Variants in CHRM3 observed in about 807,000 individuals in gnomAD.
CHRM3 encodes muscarinic acetylcholine receptor M3.
Under a neutral mutation model 41.8 loss-of-function variants are expected in CHRM3, and 11 were observed. The ratio of observed to expected loss-of-function variants is 0.26; its 90% CI spans 0.17 to 0.44. The LOEUF (loss-of-function observed/expected upper bound fraction) is 0.44. Ranked by LOEUF, CHRM3 falls within the 20% of genes least tolerant of loss-of-function variation. The pLI is 1.00. For synonymous variants in CHRM3, 297 were observed against 301.4 expected (o/e 0.99, Z 0.15); for missense variants, 571 against 745.4 (o/e 0.77, Z 2.72).
chr1:239,794,387 GTTTT>G (rs10925977), intron 5 of CHRM3, among the ~76,000 whole-genome samples: 2 of 115,290 alleles, frequency 1.7e-5, no homozygotes, highest in East Asian at 2.3e-4. Context: ...TTCGTTTGTT[GTTTT>G]TTTTTTTTTT....
intron 5 of CHRM3, among the ~76,000 whole-genome samples, chr1:239,709,797 G>C (rs952804631): frequency 6.6e-6 from 1 of 152,142 alleles, no homozygotes; most frequent in African/African-American, 2.4e-5. Flanking sequence ...AGATTAACCA[G>C]TGAAGATCTA....
chr1:239,683,214 T>A (rs1658739108), intron 5 of CHRM3, among the ~76,000 whole-genome samples: 1 of 152,174 alleles, frequency 6.6e-6, no homozygotes, highest in East Asian at 1.9e-4. Context: ...GGTAAATATT[T>A]GTGGAATGAG....
chr1:239,394,348 G>A (rs551294674), intron 1 of CHRM3, among the ~76,000 whole-genome samples: 1 of 152,232 alleles, frequency 6.6e-6, no homozygotes, highest in South Asian at 2.1e-4. Context: ...TGCTTCTGTG[G>A]TCACGTTGCC....
At chr1:239,697,657 G>A (rs1009904075) in intron 5 of CHRM3, among the ~76,000 whole-genome samples, 14 of 152,102 alleles carry the variant, frequency 9.2e-5, no homozygotes, top group Non-Finnish European at 1.5e-4. Flanking sequence ...AGAGAGGGAG[G>A]CAACAGACAT....
chr1:239,725,121 TAGACTTAGAA>T (rs1319594455), intron 5 of CHRM3, among the ~76,000 whole-genome samples: 1 of 151,968 alleles, frequency 6.6e-6, no homozygotes, highest in South Asian at 2.1e-4. Context: ...CAACCTATTT[TAGACTTAGAA>T]AAGTATTTAG....
At chr1:239,830,806 G>A (rs865873608) in intron 6 of CHRM3, among the ~76,000 whole-genome samples, 3 of 152,076 alleles carry the variant, frequency 2.0e-5, no homozygotes, top group African/African-American at 4.8e-5. Flanking sequence ...TGTGGACACC[G>A]CTAGGCTCCT....
chr1:239,913,675 G>A lies in CHRM3; in HGVS notation c.*4451G>A, dbSNP rs4631675. ...TGGCTTTAGTGTTAATGTCTGGGAA[G>A]GGAGGCTCATGATAAGAAAATAAAA... is the stretch of plus-strand genomic sequence containing the variant. On this transcript the variant is annotated 3_prime_UTR_variant, in exon 7 of 7. Transcript: ENST00000676153. 28,646 of 166,864 alleles carry A rather than the reference G, an allele frequency of 0.17. 2,630 individuals carry two copies. The highest frequency in any genetic ancestry group is 0.37 in the East Asian group (1,934 of 5,174). 10.3% of individuals were successfully genotyped at this position (166,864 alleles called of 1,614,324 possible).
chr1:239,898,518 C>G (rs749839738), intron 6 of CHRM3: 1 of 152,118 alleles, frequency 6.6e-6, no homozygotes, highest in Non-Finnish European at 1.5e-5. Flanking sequence ...AATAGTTGGT[C>G]TGAGAAAAAA....
intron 1 of CHRM3, among the ~76,000 whole-genome samples, chr1:239,398,252 T>C (rs1297303930): frequency 6.6e-6 from 1 of 152,220 alleles, no homozygotes; most frequent in Non-Finnish European, 1.5e-5. Flanking sequence ...TTTTTTCTTT[T>C]TGAGATGGAG....
At chr1:239,612,860 G>A (rs1255038078) in intron 3 of CHRM3, among the ~76,000 whole-genome samples, 1 of 152,068 alleles carries the variant, frequency 6.6e-6, no homozygotes, top group Admixed American at 6.5e-5. Flanking sequence ...TACCACTGCT[G>A]GTTTGCTAAT....
chr1:239,467,051 C>T (rs941463445), intron 1 of CHRM3, among the ~76,000 whole-genome samples: 3 of 151,930 alleles, frequency 2.0e-5, no homozygotes, highest in African/African-American at 7.3e-5. Flanking sequence ...TTTTGCTGTC[C>T]GCTTTAAACA....
chr1:239,706,364 G>A (rs1274032558), intron 5 of CHRM3: 2 of 152,000 alleles, frequency 1.3e-5, no homozygotes, highest in Non-Finnish European at 2.9e-5. Context: ...ACACAGCAGG[G>A]ACATCCCATG....
At chr1:239,537,895 ACT>A (rs1290296576) in intron 2 of CHRM3, among the ~76,000 whole-genome samples, 2 of 152,034 alleles carry the variant, frequency 1.3e-5, no homozygotes, top group Non-Finnish European at 2.9e-5. Context: ...TGGCTTTGAA[ACT>A]CAGTCTATAT....
chr1:239,442,231 T>C (rs1049238680), intron 1 of CHRM3, among the ~76,000 whole-genome samples: 3 of 151,826 alleles, frequency 2.0e-5, no homozygotes, highest in Non-Finnish European at 2.9e-5. Context: ...CTCAGCCTCC[T>C]GAGTAGCTGG....
chr1:239,897,945 A>C (rs1252007411), intron 6 of CHRM3: 1 of 152,204 alleles, frequency 6.6e-6, no homozygotes, highest in Non-Finnish European at 1.5e-5. Flanking sequence ...TTATCAAATC[A>C]AGTAAAAACC....
intron 1 of CHRM3, among the ~76,000 whole-genome samples, chr1:239,446,937 CA>C (rs1432664842): frequency 6.6e-6 from 1 of 151,928 alleles, no homozygotes; most frequent in Admixed American, 6.6e-5. Context: ...AAGCAGGATC[CA>C]AAAACTATGT....
At chr1:239,555,459 G>T (rs1004182954) in intron 3 of CHRM3, among the ~76,000 whole-genome samples, 1 of 152,136 alleles carries the variant, frequency 6.6e-6, no homozygotes, top group Non-Finnish European at 1.5e-5. Flanking sequence ...TGCTTCAGAG[G>T]CAGGGCTCAG....
In CHRM3 at chr1:239,896,025, C is replaced by A. The variant is rs928082554; in HGVS notation, c.-19-11408C>A. Among the ~76,000 whole-genome samples, 6 of 152,156 alleles carry A rather than the reference C, an allele frequency of 3.9e-5. 1 individual carries two copies. The highest frequency in any genetic ancestry group is 3.9e-4 in the Admixed American group (6 of 15,276). On this transcript the variant is annotated intron_variant, in intron 6 of 6. Coordinates refer to ENST00000676153, the MANE Select transcript of CHRM3 (RefSeq NM_001375978.1). ...CATCTCAATTAAAACAGAGTAGAGGCAATCGTTCTAGGTCTGCTCTGGGAA... is the reference window on the plus strand; with the variant it reads ...CATCTCAATTAAAACAGAGTAGAGGAAATCGTTCTAGGTCTGCTCTGGGAA...
chr1:239,539,179 C>A (rs1478751357), intron 2 of CHRM3, among the ~76,000 whole-genome samples: 1 of 152,192 alleles, frequency 6.6e-6, no homozygotes, highest in Non-Finnish European at 1.5e-5. Context: ...CCCTGATGAT[C>A]AGGTTCAAGG....
Sources: allele counts gnomAD v4.1 joint callset (sites outside exome capture counted in the v4.1 genomes callset), GRCh38; gene constraint gnomAD v4.1.1; transcripts MANE v1.5; gene names NCBI Gene and HGNC (gene_info 2026-07-23, HGNC 2026-07-21).